IQGAP3: variants seen among roughly 807,000 people sequenced by gnomAD.
IQGAP3 encodes the protein ras GTPase-activating-like protein IQGAP3.
IQGAP3 carries 165 observed loss-of-function variants against 208.2 expected under a neutral mutation model. The ratio of observed to expected loss-of-function variants is 0.79; its 90% CI spans 0.70 to 0.90. The LOEUF (loss-of-function observed/expected upper bound fraction) is 0.90. Ranked by LOEUF, IQGAP3 falls within the 40% of genes least tolerant of loss-of-function variation. The probability of loss-of-function intolerance (pLI) is 0.00; values close to 1 mark genes in which losing one functional copy is unlikely to be tolerated. For synonymous variants in IQGAP3, 703 were observed against 803.6 expected (o/e 0.87, Z 2.12); for missense variants, 1,811 against 2,043.1 (o/e 0.89, Z 2.19).
At chr1:156,556,790 G>A in intron 11 of IQGAP3, 97 bp from the exon 12 acceptor site, 1 of 1,202,988 alleles carries the variant, frequency 8.3e-7, no homozygotes, top group Non-Finnish European at 1.1e-6. Flanking sequence ...TCTTGGTGGG[G>A]AAATGGCTTT....
At position 156,548,739 on chromosome 1, in the gene IQGAP3, C is replaced by G. The variant is rs771459409; in HGVS notation, c.1835G>C (p.Gly612Ala). Residue 612 changes from glycine (G) to alanine (A), a missense_variant, in exon 17 of 38, where the codon GGT (glycine) becomes GCT (alanine). Physicochemically the swap from Gly to Ala is moderately conservative, Grantham distance 60. Coordinates refer to ENST00000361170, the MANE Select transcript of IQGAP3 (RefSeq NM_178229.5). ...GATGGCTTGATTGATGGCAGCCACA[C>G]CAAGAGCCACTGACAGGGGCATCAG... ...DTNTAQRMAL[G>A]VAAINQAIKE... 1.9e-6 allele frequency: 3 copies of G among 1,572,282 alleles called. No homozygotes were observed. Among genetic ancestry groups the G allele is most frequent in the Non-Finnish European group, 2.6e-6 (3 of 1,157,462 alleles).
chr1:156,538,055 C>T (rs954506528), intron 26 of IQGAP3, among the ~76,000 whole-genome samples: 4 of 151,828 alleles, frequency 2.6e-5, no homozygotes, highest in South Asian at 2.1e-4. Context: ...CAACACCCGG[C>T]GAATTTTTGT....
Position 156,525,729 on chromosome 1 carries a change from CAAAAAAAAAAAA to C in IQGAP3, c.*745_*756del, listed in dbSNP as rs10611202. The C allele has an allele frequency of 1.2e-5, 1 of 80,412 alleles. No individual in the cohort carries two copies. The highest frequency in any genetic ancestry group is 2.2e-5 in the Non-Finnish European group (1 of 45,226). 5.0% of individuals were successfully genotyped at this position (80,412 alleles called of 1,614,324 possible). On this transcript the variant is annotated 3_prime_UTR_variant, in exon 38 of 38. Coordinates refer to ENST00000361170, the MANE Select transcript of IQGAP3 (RefSeq NM_178229.5). ...GGAAAATGAGAACTCTCTTTGAGCT[CAAAAAAAAAAAA>C]AAAAAAAAAAAAATGAAAGCGTTAA...
chr1:156,545,292 A>G (rs945222568), intron 19 of IQGAP3, among the ~76,000 whole-genome samples: 1 of 152,056 alleles, frequency 6.6e-6, no homozygotes, highest in African/African-American at 2.4e-5. Flanking sequence ...TAATTTTCCT[A>G]AAGTACCTCT....
chr1:156,544,773 C>G (rs1675152102), intron 19 of IQGAP3, among the ~76,000 whole-genome samples: 1 of 151,800 alleles, frequency 6.6e-6, no homozygotes, highest in African/African-American at 2.4e-5. Context: ...AAGATACAGT[C>G]CTAAAAGATA....
intron 22 of IQGAP3, among the ~76,000 whole-genome samples, chr1:156,543,536 C>T (rs1302317033): frequency 1.3e-5 from 2 of 152,194 alleles, no homozygotes; most frequent in Admixed American, 6.5e-5. Context: ...TTTAAATGAG[C>T]ACCCAACTAA....
At chr1:156,570,857 T>A (rs868688617) in intron 1 of IQGAP3, among the ~76,000 whole-genome samples, 1 of 152,152 alleles carries the variant, frequency 6.6e-6, no homozygotes, top group Non-Finnish European at 1.5e-5. Context: ...TCTAACATGA[T>A]AAGTATGATT....
At chr1:156,561,174 T>G (rs1054563699) in intron 10 of IQGAP3, among the ~76,000 whole-genome samples, 153 bp from the exon 11 acceptor site, 1 of 140,636 alleles carries the variant, frequency 7.1e-6, no homozygotes, top group Non-Finnish European at 1.5e-5. Flanking sequence ...CTATTAACCG[T>G]TTTTTTTTTT....
In IQGAP3 at chr1:156,554,253, T is replaced by C; in HGVS notation, c.1430A>G (p.Glu477Gly). Residue 477 changes from glutamate (E) to glycine (G), a missense_variant, in exon 13 of 38, where the codon GAA becomes GGA. Glu to Gly is a moderately conservative substitution (Grantham distance 98, BLOSUM62 -2). Transcript: ENST00000361170. ...VNPATGLAEVEGENAQRYFDA... is the reference protein window; with the variant it reads ...VNPATGLAEVGGENAQRYFDA... ...TTCTCACCGCTGGGCATTTTCTCCTTCCACCTCAGCCAGGCCTGTGGCAGG... is the reference window on the plus strand; with the variant it reads ...TTCTCACCGCTGGGCATTTTCTCCTCCCACCTCAGCCAGGCCTGTGGCAGG... 1 of 1,609,466 alleles carries C rather than the reference T, an allele frequency of 6.2e-7. No individual in the cohort carries two copies. The highest frequency in any genetic ancestry group is 1.3e-5 in the African/African-American group (1 of 74,652).
chr1:156,569,293 G>C (rs1676534578), intron 2 of IQGAP3, 83 bp downstream of exon 2: 1 of 837,022 alleles, frequency 1.2e-6, no homozygotes, highest in Non-Finnish European at 2.0e-6. Flanking sequence ...TCGATCTGTT[G>C]CATTTGCTTT....
At chr1:156,552,491 G>C (rs1675601382) in intron 13 of IQGAP3, among the ~76,000 whole-genome samples, 1 of 152,124 alleles carries the variant, frequency 6.6e-6, no homozygotes, top group Non-Finnish European at 1.5e-5. Flanking sequence ...TGGTTCCCCT[G>C]CTTAACCTGC....
rs1430538138 is a variant in IQGAP3 at position 156,534,107 on chromosome 1, G to C, written c.3775C>G (p.Pro1259Ala). Reference protein sequence around the residue: ...FIHRACQVPEPEERFAVDEYS... With the variant: ...FIHRACQVPEAEERFAVDEYS... ...TCGTCCACTGCAAAACGCTCCTCTGGCTCTGGCACCTGGCAGGCTCTATGG... is the reference window on the plus strand; with the variant it reads ...TCGTCCACTGCAAAACGCTCCTCTGCCTCTGGCACCTGGCAGGCTCTATGG... Residue 1259 changes from proline (P) to alanine (A), a missense_variant, in exon 30 of 38, where the codon CCA becomes GCA. Transcript: ENST00000361170. The C allele has an allele frequency of 2.5e-6, 4 of 1,613,870 alleles. No individual in the cohort carries two copies. The African/African-American group carries it at 5.3e-5, about 22-fold the overall frequency.
At chr1:156,554,554 A>G (rs1418330905) in intron 12 of IQGAP3, among the ~76,000 whole-genome samples, 162 bp from the exon 13 acceptor site, 2 of 152,244 alleles carry the variant, frequency 1.3e-5, no homozygotes, top group Non-Finnish European at 2.9e-5. Context: ...ACACCTGATA[A>G]TACTTACTAT....
At chr1:156,535,449 G>A (rs1180519744) in intron 27 of IQGAP3, among the ~76,000 whole-genome samples, 1 of 152,028 alleles carries the variant, frequency 6.6e-6, no homozygotes, top group East Asian at 1.9e-4. Flanking sequence ...CCTTCCTCCT[G>A]CCTTATGTCA....
chr1:156,570,689 T>C (rs1676609550), intron 1 of IQGAP3, among the ~76,000 whole-genome samples: 1 of 152,204 alleles, frequency 6.6e-6, no homozygotes, highest in South Asian at 2.1e-4. Context: ...CTTGCGTTTT[T>C]TGTTGAGACT....
intron 22 of IQGAP3, among the ~76,000 whole-genome samples, chr1:156,542,595 A>C (rs76097588): frequency 1.3e-5 from 2 of 152,156 alleles, no homozygotes; most frequent in Non-Finnish European, 2.9e-5. Context: ...CAACCCTACA[A>C]GATAGGTATT....
intron 16 of IQGAP3, 31 bp downstream of exon 16, chr1:156,550,230 C>T (rs766147611): frequency 5.3e-6 from 8 of 1,503,694 alleles, no homozygotes; most frequent in South Asian, 3.4e-5. Context: ...CCATCCCTCC[C>T]CTCCCAGGGT....
At position 156,540,813 on chromosome 1, in the gene IQGAP3, C is replaced by T. The variant is rs143030022; in HGVS notation, c.2634G>A (p.Gln878=). 25 of 1,614,032 alleles carry T rather than the reference C, an allele frequency of 1.5e-5. No individual in the cohort carries two copies. The African/African-American group carries it at 2.9e-4, about 19-fold the overall frequency. Residue 878 remains glutamine (Q), a synonymous_variant, in exon 23 of 38, where the codon CAG becomes CAA. Coordinates refer to ENST00000361170, the MANE Select transcript of IQGAP3 (RefSeq NM_178229.5). ...ATCGGATCTTCCTAACTACCTCTTC[C>T]TGGAGCTTCAGCAGCTCTGCCTCAG... ...FLAEAELLKL[Q]EEVVRKIRSN...
At chr1:156,534,338 C>G (rs1218940268) in intron 29 of IQGAP3, among the ~76,000 whole-genome samples, 163 bp downstream of exon 29, 2 of 152,204 alleles carry the variant, frequency 1.3e-5, no homozygotes, top group Non-Finnish European at 2.9e-5. Context: ...GTCTCCTTTT[C>G]TCTCCACTGG....
Sources: allele counts gnomAD v4.1 joint callset (sites outside exome capture counted in the v4.1 genomes callset), GRCh38; gene constraint gnomAD v4.1.1; transcripts MANE v1.5; gene names NCBI Gene and HGNC (gene_info 2026-07-23, HGNC 2026-07-21).